Variants in ADGRV1 observed in about 807,000 individuals in gnomAD.
The protein encoded by ADGRV1 is G-protein coupled receptor 98.
Under a neutral mutation model 596.2 loss-of-function variants are expected in ADGRV1, and 359 were observed. That is an observed-to-expected ratio of 0.60 (90% CI 0.55 to 0.66). The LOEUF is 0.66. Among genes scored for constraint, ADGRV1 ranks in the 30% least tolerant of loss-of-function variants. ADGRV1 has a pLI of 0.00. For synonymous variants in ADGRV1, 2,681 were observed against 2,679.2 expected, an observed-to-expected ratio of 1.00 and a Z score of -0.02; for missense variants, 7,274 against 7,575.6, an observed-to-expected ratio of 0.96 and a Z score of 1.48.
chr5:90,647,651 A>G lies in ADGRV1; in HGVS notation c.3176A>G (p.Glu1059Gly), dbSNP rs769704418. 7 of 1,613,968 alleles carry G rather than the reference A, an allele frequency of 4.3e-6. No individual in the cohort carries two copies. In the South Asian group the frequency reaches 7.7e-5, roughly 18 times the overall value. The change falls in exon 17 of 90, where the codon GAA becomes GGA. Residue 1059 changes from glutamate to glycine, a missense_variant. By Grantham distance (98) the Glu-to-Gly change is moderately conservative. Transcript: ENST00000405460. ...ERDFIPVEKG[E>G]TLIFEVGSRQ... ...GATTTCATTCCTGTTGAAAAAGGAG[A>G]AACGCTCATTTTTGAGGTTGGAAGT...
At chr5:90,907,694 G>C (rs1772456079) in intron 83 of ADGRV1, among the ~76,000 whole-genome samples, 1 of 152,024 alleles carries the variant, frequency 6.6e-6, no homozygotes, top group Admixed American at 6.6e-5. Context: ...TTCTGGACTT[G>C]ATTAGGTGGA....
chr5:90,621,905 A>T (rs1460704424), intron 4 of ADGRV1, among the ~76,000 whole-genome samples: 2 of 152,080 alleles, frequency 1.3e-5, no homozygotes, highest in South Asian at 2.1e-4. Flanking sequence ...ACTTGATGTG[A>T]ACTATCGCAT....
At chr5:90,781,626 A>T (rs1758864007) in intron 65 of ADGRV1, 48 bp downstream of exon 65, 1 of 1,545,390 alleles carries the variant, frequency 6.5e-7, no homozygotes. Context: ...CCACTTTCCA[A>T]ATTACATTAG....
At chr5:91,114,811 C>G (rs995046382) in intron 87 of ADGRV1, among the ~76,000 whole-genome samples, 4 of 152,158 alleles carry the variant, frequency 2.6e-5, no homozygotes, top group Admixed American at 6.5e-5. Context: ...ATAGCCTTTC[C>G]TCTCATGCAC....
At chr5:90,743,375 G>C (rs1754205819) in intron 50 of ADGRV1, among the ~76,000 whole-genome samples, 1 of 151,960 alleles carries the variant, frequency 6.6e-6, no homozygotes, top group Non-Finnish European at 1.5e-5. Flanking sequence ...AGGATATGGG[G>C]CTTTCCGTTG....
chr5:90,564,782 GCGC>G (rs1561294954), intron 1 of ADGRV1, among the ~76,000 whole-genome samples: 3 of 90,130 alleles, frequency 3.3e-5, no homozygotes, highest in African/African-American at 1.7e-4. Context: ...GCCCGCCACT[GCGC>G]CCGGCTAATT....
chr5:90,723,992 C>T (rs933185023), intron 45 of ADGRV1, among the ~76,000 whole-genome samples: 1 of 151,304 alleles, frequency 6.6e-6, no homozygotes, highest in Non-Finnish European at 1.5e-5. Context: ...TTGATAAAAC[C>T]TTGACAGCCA....
chr5:90,777,948 T>C lies in ADGRV1; in HGVS notation c.12571T>C (p.Trp4191Arg), dbSNP rs1758419631. The C allele has an allele frequency of 6.2e-7, 1 of 1,612,678 alleles. No individual in the cohort carries two copies. Among genetic ancestry groups the C allele is most frequent in the Non-Finnish European group, 8.5e-7 (1 of 1,179,302 alleles). Residue 4191 changes from tryptophan (W) to arginine (R), a missense_variant, in exon 62 of 90, where the codon TGG (tryptophan) becomes CGG (arginine). By Grantham distance (101) the Trp-to-Arg change is moderately radical (BLOSUM62 -3). Coordinates refer to ENST00000405460, the MANE Select transcript of ADGRV1 (RefSeq NM_032119.4). ...GATTTTGGGGGAGGTCACAGTGTTCTGGAGGATATTCCCTCCTTCCGTGGG... is the reference window on the plus strand; with the variant it reads ...GATTTTGGGGGAGGTCACAGTGTTCCGGAGGATATTCCCTCCTTCCGTGGG... ...PGILGEVTVF[W>R]RIFPPSVGEF...
At chr5:90,838,038 A>G (rs756168147) in intron 77 of ADGRV1, among the ~76,000 whole-genome samples, 10 of 152,134 alleles carry the variant, frequency 6.6e-5, no homozygotes, top group South Asian at 2.1e-4. Context: ...GTATTGTTCT[A>G]TGGTCCCTGT....
intron 36 of ADGRV1, among the ~76,000 whole-genome samples, chr5:90,704,769 C>G (rs1748375314): frequency 1.3e-5 from 2 of 151,812 alleles, no homozygotes; most frequent in Admixed American, 1.3e-4. Flanking sequence ...TTGAGACTTA[C>G]AAGCCAATTT....
chr5:90,829,250 A>G lies in ADGRV1; in HGVS notation c.16611+64A>G, dbSNP rs1194299732. On this transcript the variant is annotated intron_variant, in intron 77 of 89. Coordinates refer to ENST00000405460, the MANE Select transcript of ADGRV1 (RefSeq NM_032119.4). The stretch of plus-strand genomic sequence containing the variant: ...TTCTTCTTTAACTACAGCAAGAGTA[A>G]TGACATAGGGAATAATTGATACATT... 6 of 1,238,858 alleles carry G rather than the reference A, an allele frequency of 4.8e-6. No individual in the cohort carries two copies. In the African/African-American group the frequency reaches 9.0e-5, roughly 18 times the overall value. 76.7% of individuals were successfully genotyped at this position (1,238,858 alleles called of 1,614,324 possible). A position where few individuals can be genotyped will look rare whatever the true frequency, so the allele number is the denominator to read the frequency against.
chr5:90,806,344 T>G (rs1330309376), intron 72 of ADGRV1, among the ~76,000 whole-genome samples: 1 of 152,210 alleles, frequency 6.6e-6, no homozygotes, highest in Non-Finnish European at 1.5e-5. Flanking sequence ...TGGGGTTTCT[T>G]TAGCCACTGC....
chr5:90,680,342 A>T (rs570449115), intron 26 of ADGRV1, among the ~76,000 whole-genome samples: 15 of 151,782 alleles, frequency 9.9e-5, no homozygotes, highest in Non-Finnish European at 2.1e-4. Context: ...GTGACAGAGC[A>T]AGACTCTGTA....
intron 56 of ADGRV1, 44 bp downstream of exon 56, chr5:90,756,674 C>A: frequency 6.6e-7 from 1 of 1,504,444 alleles, no homozygotes; most frequent in Non-Finnish European, 9.2e-7. Context: ...AGAGGCCTCT[C>A]CCTGCTGATT....
intron 85 of ADGRV1, among the ~76,000 whole-genome samples, chr5:91,005,394 G>A (rs1006581546): frequency 1.6e-4 from 25 of 152,056 alleles, no homozygotes; most frequent in African/African-American, 4.3e-4. Context: ...TTGAAGTGCA[G>A]TGGCGCAATC....
intron 50 of ADGRV1, among the ~76,000 whole-genome samples, chr5:90,741,481 T>G (rs1753956678): frequency 6.6e-6 from 1 of 152,208 alleles, no homozygotes; most frequent in Non-Finnish European, 1.5e-5. Context: ...TTATATTTGC[T>G]TTTCTTATTC....
In ADGRV1 at chr5:90,627,863, C is replaced by G. The variant is rs1023517637; in HGVS notation, c.1238+87C>G. The G allele has an allele frequency of 3.1e-5, 24 of 770,700 alleles. No individual in the cohort carries two copies. The Admixed American group carries it at 7.8e-4, about 25-fold the overall frequency. 47.7% of individuals were successfully genotyped at this position (770,700 alleles called of 1,614,324 possible). On this transcript the variant is annotated intron_variant, in intron 7 of 89. Coordinates refer to ENST00000405460, the MANE Select transcript of ADGRV1 (RefSeq NM_032119.4). ...TTGTGGTGTTGGACACAACAATGAA[C>G]TGTTAGAATATGTGTCATTTTTTCC...
intron 1 of ADGRV1, among the ~76,000 whole-genome samples, chr5:90,594,396 T>C (rs1316464712): frequency 6.6e-6 from 1 of 152,092 alleles, no homozygotes; most frequent in African/African-American, 2.4e-5. Flanking sequence ...TCTGCCATAA[T>C]TGTAAGTTTC....
In ADGRV1 at chr5:91,084,609, G is replaced by A. The variant is rs147183535; in HGVS notation, c.18310+12005G>A. 7.3e-3 allele frequency among the ~76,000 whole-genome samples: 1,114 copies of A among 152,288 alleles called. 17 individuals carry two copies. Among genetic ancestry groups the A allele is most frequent in the African/African-American group, 0.025 (1,052 of 41,554 alleles). ...TGCTGGAGAGGATGTGGAGAAATAG[G>A]AACGCTTTTACACTGCTGGTGGGAG... On this transcript the variant is annotated intron_variant, in intron 86 of 89. Coordinates refer to ENST00000405460, the MANE Select transcript of ADGRV1 (RefSeq NM_032119.4).
Sources: allele counts gnomAD v4.1 joint callset (sites outside exome capture counted in the v4.1 genomes callset), GRCh38; gene constraint gnomAD v4.1.1; transcripts MANE v1.5; gene names NCBI Gene and HGNC (gene_info 2026-07-23, HGNC 2026-07-21).